Variants in CFAP97 observed in about 807,000 individuals in gnomAD.
CFAP97 encodes the protein cilia- and flagella-associated protein 97.
Under a neutral mutation model 43.1 loss-of-function variants are expected in CFAP97, and 36 were observed. That is an observed-to-expected ratio of 0.84 (90% CI 0.64 to 1.10). The LOEUF is 1.10. Ranked by LOEUF, CFAP97 falls within the 50% of genes least tolerant of loss-of-function variation. The pLI is 0.00. For synonymous variants in CFAP97, 228 were observed against 225.7 expected (o/e 1.01, Z -0.09); for missense variants, 657 against 620.3 (o/e 1.06, Z -0.63).
At chr4:185,169,218 T>G (rs1178151521) in intron 3 of CFAP97, 1 of 152,020 alleles carries the variant, frequency 6.6e-6, no homozygotes, top group Non-Finnish European at 1.5e-5. Flanking sequence ...ACGGTCTGAC[T>G]CTGTGTCCCC....
intron 2 of CFAP97, among the ~76,000 whole-genome samples, chr4:185,186,399 C>A (rs1736008367): frequency 6.6e-6 from 1 of 152,158 alleles, no homozygotes; most frequent in Non-Finnish European, 1.5e-5. Flanking sequence ...CGCCACTGCA[C>A]TGCAGCCTGG....
chr4:185,200,112 T>C (rs1294886740), intron 1 of CFAP97, among the ~76,000 whole-genome samples: 3 of 152,198 alleles, frequency 2.0e-5, no homozygotes, highest in African/African-American at 7.2e-5. Context: ...GGTCAAAATA[T>C]CAACATCAAC....
intron 1 of CFAP97, among the ~76,000 whole-genome samples, chr4:185,194,393 G>A (rs1183801400): frequency 1.3e-5 from 2 of 152,202 alleles, no homozygotes; most frequent in Non-Finnish European, 2.9e-5. Context: ...GGAGGCTGAG[G>A]CAGGAGGATC....
At chr4:185,206,749 C>A (rs1207620281), upstream of CFAP97, among the ~76,000 whole-genome samples, 2 of 150,158 alleles carry the variant, frequency 1.3e-5, no homozygotes, top group African/African-American at 4.9e-5. Flanking sequence ...GATATATGAG[C>A]AGGAATTTAT....
intron 3 of CFAP97, among the ~76,000 whole-genome samples, chr4:185,167,266 A>G (rs1404871985): frequency 6.6e-6 from 1 of 152,162 alleles, no homozygotes; most frequent in Non-Finnish European, 1.5e-5. Context: ...CAGGAGTTCA[A>G]GACCACCCTA....
At chr4:185,181,949 C>A (rs572166668) in intron 2 of CFAP97, among the ~76,000 whole-genome samples, 1 of 152,130 alleles carries the variant, frequency 6.6e-6, no homozygotes, top group Non-Finnish European at 1.5e-5. Context: ...ATCCCTCACA[C>A]GTTGGTATCA....
chr4:185,188,610 C>T (rs1483729035), intron 2 of CFAP97, among the ~76,000 whole-genome samples: 8 of 152,108 alleles, frequency 5.3e-5, no homozygotes. Context: ...TCCAAAGGTG[C>T]TAGGATTACA....
chr4:185,175,263 T>C (rs1008956109), intron 3 of CFAP97, among the ~76,000 whole-genome samples: 3 of 152,046 alleles, frequency 2.0e-5, no homozygotes, highest in South Asian at 4.1e-4. Flanking sequence ...TCTCTCTCTT[T>C]TTTCTTCTCT....
Position 185,190,609 on chromosome 4 carries a change from A to G in CFAP97, c.588T>C (p.His196=). 1 of 1,607,328 alleles carries G rather than the reference A, an allele frequency of 6.2e-7. No homozygotes were observed. ...TAGATGACGGAGACGAATCAGATAGATGGCTATCAGACCCTGCATCTAAAC... is the reference window on the plus strand; with the variant it reads ...TAGATGACGGAGACGAATCAGATAGGTGGCTATCAGACCCTGCATCTAAAC... ...TDCLDAGSDS[H]LSDSSPSSKS... The change falls in exon 2 of 5, where the codon CAT becomes CAC. Residue 196 remains histidine, a synonymous_variant. Transcript: ENST00000458385.
intron 3 of CFAP97, among the ~76,000 whole-genome samples, chr4:185,173,786 A>G (rs1471824760): frequency 6.6e-6 from 1 of 152,186 alleles, no homozygotes; most frequent in Non-Finnish European, 1.5e-5. Context: ...GAAGTGATGA[A>G]AACGTTTTAG....
intron 2 of CFAP97, among the ~76,000 whole-genome samples, chr4:185,180,829 T>C (rs1330732914): frequency 6.6e-6 from 1 of 152,098 alleles, no homozygotes; most frequent in African/African-American, 2.4e-5. Context: ...AATAGTCTAA[T>C]CACCTATTCT....
At chr4:185,191,581 C>T (rs981171213) in intron 1 of CFAP97, among the ~76,000 whole-genome samples, 5 of 152,166 alleles carry the variant, frequency 3.3e-5, no homozygotes, top group African/African-American at 1.2e-4. Context: ...CCTGTAATCC[C>T]AGCACTTTGG....
intron 2 of CFAP97, among the ~76,000 whole-genome samples, chr4:185,187,214 A>G (rs1163435940): frequency 2.0e-5 from 3 of 152,220 alleles, no homozygotes; most frequent in African/African-American, 7.2e-5. Flanking sequence ...TTTAACAGGA[A>G]TGGGCAACTG....
chr4:185,193,363 A>G (rs1736386891), intron 1 of CFAP97, among the ~76,000 whole-genome samples: 1 of 152,166 alleles, frequency 6.6e-6, no homozygotes, highest in Non-Finnish European at 1.5e-5. Context: ...TAAAACAGCA[A>G]AAGGCCAGGC....
At chr4:185,169,530 GGTA>G in intron 3 of CFAP97, 1 of 804,686 alleles carries the variant, frequency 1.2e-6, no homozygotes, top group Non-Finnish European at 1.5e-6. Flanking sequence ...CCCAGTCTCA[GGTA>G]GTATCTTTAC....
intron 2 of CFAP97, among the ~76,000 whole-genome samples, chr4:185,188,611 T>G (rs981500718): frequency 3.3e-5 from 5 of 152,198 alleles, no homozygotes; most frequent in African/African-American, 1.2e-4. Context: ...CCAAAGGTGC[T>G]AGGATTACAG....
rs528749226 is a variant in CFAP97, at chr4:185,174,931, A to G, written c.1320+855T>C. Among the ~76,000 whole-genome samples the G allele has an allele frequency of 1.1e-4, 17 of 152,294 alleles. No individual in the cohort carries two copies. In the South Asian group the frequency reaches 3.5e-3, roughly 32 times the overall value. ...TGCTATAATAGTTTTAAATGTGAAG[A>G]TTTTCAACAGTTCCCATATTTATTT... On this transcript the variant is annotated intron_variant, in intron 3 of 4. Coordinates refer to ENST00000458385, the MANE Select transcript of CFAP97 (RefSeq NM_020827.3).
chr4:185,192,949 C>T (rs999151336), intron 1 of CFAP97, among the ~76,000 whole-genome samples: 4 of 152,010 alleles, frequency 2.6e-5, no homozygotes, highest in Non-Finnish European at 4.4e-5. Context: ...ACCGTGTTAT[C>T]CAGGATGGCC....
intron 3 of CFAP97, chr4:185,170,140 G>A: frequency 1.2e-6 from 1 of 845,282 alleles, no homozygotes; most frequent in Non-Finnish European, 1.6e-6. Context: ...TTGAGGTCAG[G>A]AGTTTGAGAC....
Sources: gnomAD v4.1 joint callset for allele counts (sites outside exome capture counted in the v4.1 genomes callset) on GRCh38, gnomAD v4.1.1 for gene constraint, MANE v1.5 for transcripts, NCBI Gene and HGNC (gene_info 2026-07-23, HGNC 2026-07-21) for gene names.